TMTC2: variants seen among roughly 807,000 people sequenced by gnomAD.
TMTC2 encodes transmembrane O-mannosyltransferase targeting cadherins 2.
Under a neutral mutation model 82.4 loss-of-function variants are expected in TMTC2, and 43 were observed. That is an observed-to-expected ratio of 0.52 (90% confidence interval 0.41 to 0.67). The LOEUF is 0.67. Ranked by LOEUF, TMTC2 falls within the 30% of genes least tolerant of loss-of-function variation. The pLI, the probability that TMTC2 is intolerant of heterozygous loss-of-function variation, is 0.00. For synonymous variants in TMTC2, 408 were observed against 381.9 expected, an observed-to-expected ratio of 1.07 and a Z score of -0.80; for missense variants, 919 against 1,012.4, an observed-to-expected ratio of 0.91 and a Z score of 1.25.
chr12:82,814,896 A>G (rs1868602664), intron 1 of TMTC2, among the ~76,000 whole-genome samples: 1 of 152,256 alleles, frequency 6.6e-6, no homozygotes, highest in East Asian at 1.9e-4. Context: ...GCTCAGGGGA[A>G]AGTTGAAAAT....
At chr12:82,854,523 A>G (rs1407267614) in intron 1 of TMTC2, among the ~76,000 whole-genome samples, 1 of 152,184 alleles carries the variant, frequency 6.6e-6, no homozygotes, top group Non-Finnish European at 1.5e-5. Flanking sequence ...TTTTAAGGAC[A>G]CTTTCTGGAA....
intron 10 of TMTC2, among the ~76,000 whole-genome samples, chr12:83,051,795 C>CTATT (rs1882357016): frequency 6.6e-6 from 1 of 151,950 alleles, no homozygotes; most frequent in African/African-American, 2.4e-5. Flanking sequence ...TTTCAGAAGA[C>CTATT]TATTACAAAG....
chr12:82,888,590 T>A (rs1204832001), intron 2 of TMTC2, among the ~76,000 whole-genome samples: 1 of 152,214 alleles, frequency 6.6e-6, no homozygotes, highest in Non-Finnish European at 1.5e-5. Flanking sequence ...CTAATTCTGT[T>A]GACTTATGAG....
intron 4 of TMTC2, among the ~76,000 whole-genome samples, chr12:82,937,784 A>ATATACATATATATATATATATATATATG (rs1876451464): frequency 4.1e-5 from 1 of 24,222 alleles, no homozygotes; most frequent in Non-Finnish European, 9.5e-5. Flanking sequence ...ATATATATAT[A>ATATACATATATATATATATATATATATG]TATATATATA....
chr12:82,743,458 A>AG (rs1468110701), intron 1 of TMTC2, among the ~76,000 whole-genome samples: 1 of 151,986 alleles, frequency 6.6e-6, no homozygotes, highest in Non-Finnish European at 1.5e-5. Flanking sequence ...AAAAAAAAAA[A>AG]AAAGAAAAAG....
At chr12:83,000,979 G>A (rs908061943) in intron 8 of TMTC2, among the ~76,000 whole-genome samples, 3 of 152,118 alleles carry the variant, frequency 2.0e-5, no homozygotes, top group African/African-American at 7.2e-5. Context: ...GTCATGGCTG[G>A]AGGGATAGGA....
intron 1 of TMTC2, among the ~76,000 whole-genome samples, chr12:82,788,982 T>C (rs1332811175): frequency 2.0e-5 from 3 of 152,080 alleles, no homozygotes; most frequent in Admixed American, 6.6e-5. Context: ...TCAGGCAACA[T>C]AGGAGGACTC....
At chr12:82,896,681 T>A (rs1873707420) in intron 3 of TMTC2, 35 bp downstream of exon 3, 1 of 1,520,202 alleles carries the variant, frequency 6.6e-7, no homozygotes, top group Non-Finnish European at 8.9e-7. Context: ...TCTGGATAGT[T>A]TACACTTTCA....
intron 3 of TMTC2, among the ~76,000 whole-genome samples, chr12:82,920,013 T>C (rs1875289124): frequency 6.6e-6 from 1 of 152,206 alleles, no homozygotes; most frequent in Non-Finnish European, 1.5e-5. Flanking sequence ...GTTCCAAAGC[T>C]GCTTCCATAT....
chr12:82,918,543 A>G (rs1436713193), intron 3 of TMTC2, among the ~76,000 whole-genome samples: 2 of 152,228 alleles, frequency 1.3e-5, no homozygotes, highest in Admixed American at 1.3e-4. Flanking sequence ...GCACGAAACA[A>G]GAATGAGAGT....
chr12:82,751,947 A>G (rs1214137815), intron 1 of TMTC2, among the ~76,000 whole-genome samples: 1 of 152,170 alleles, frequency 6.6e-6, no homozygotes, highest in Non-Finnish European at 1.5e-5. Context: ...CCTCTCGATC[A>G]TTGTGAACAT....
intron 1 of TMTC2, among the ~76,000 whole-genome samples, chr12:82,795,037 G>A (rs1878649422): frequency 6.6e-6 from 1 of 152,114 alleles, no homozygotes; most frequent in African/African-American, 2.4e-5. Flanking sequence ...TGGCGTGGTG[G>A]CTCATGCCTG....
intron 9 of TMTC2, among the ~76,000 whole-genome samples, chr12:83,039,430 G>C (rs1009398962): frequency 6.6e-6 from 1 of 151,692 alleles, no homozygotes; most frequent in African/African-American, 2.4e-5. Context: ...ATTCAAATAT[G>C]ATATTTGATG....
intron 2 of TMTC2, among the ~76,000 whole-genome samples, chr12:82,859,905 C>G (rs940241657): frequency 6.6e-6 from 1 of 152,158 alleles, no homozygotes; most frequent in Non-Finnish European, 1.5e-5. Context: ...CTCTTTCTGT[C>G]ATTCTTAGGT....
intron 1 of TMTC2, among the ~76,000 whole-genome samples, chr12:82,691,135 T>C (rs1302321808): frequency 6.6e-6 from 1 of 152,208 alleles, no homozygotes; most frequent in East Asian, 1.9e-4. Context: ...AATGCAACTT[T>C]TACATGCTTT....
chr12:83,064,045 T>C (rs1403284582), intron 11 of TMTC2, among the ~76,000 whole-genome samples: 20 of 151,894 alleles, frequency 1.3e-4, no homozygotes, highest in Admixed American at 1.3e-3. Context: ...TTTTATTGCC[T>C]TCACATTAAT....
At chr12:82,704,526 A>T (rs903662815) in intron 1 of TMTC2, among the ~76,000 whole-genome samples, 1 of 152,226 alleles carries the variant, frequency 6.6e-6, no homozygotes, top group Admixed American at 6.5e-5. Flanking sequence ...AGTTTACCAG[A>T]ATAGACTGAA....
chr12:82,716,584 G>A (rs552482361), intron 1 of TMTC2, among the ~76,000 whole-genome samples: 2 of 152,064 alleles, frequency 1.3e-5, no homozygotes, highest in East Asian at 1.9e-4. Context: ...GGATGGTCTC[G>A]ATCTCCTGAC....
chr12:82,752,342 C>T (rs982152763), intron 1 of TMTC2, among the ~76,000 whole-genome samples: 1 of 151,858 alleles, frequency 6.6e-6, no homozygotes, highest in African/African-American at 2.4e-5. Flanking sequence ...AAAAATTCGC[C>T]AGGTCTGGTG....
Sources: gnomAD v4.1 joint callset for allele counts (sites outside exome capture counted in the v4.1 genomes callset) on GRCh38, gnomAD v4.1.1 for gene constraint, MANE v1.5 for transcripts, NCBI Gene and HGNC (gene_info 2026-07-23, HGNC 2026-07-21) for gene names.